KIAA1217: variants seen among roughly 807,000 people sequenced by gnomAD.
KIAA1217 encodes the protein KIAA1217.
A neutral mutation model predicts 163.9 loss-of-function variants in KIAA1217; 88 were observed. The ratio of observed to expected loss-of-function variants is 0.54; its 90% confidence interval spans 0.45 to 0.64. The LOEUF (loss-of-function observed/expected upper bound fraction) is 0.64, where lower values mean the gene tolerates loss of function less well. Ranked by LOEUF, KIAA1217 falls within the 30% of genes least tolerant of loss-of-function variation. The pLI is 0.00. For missense variants in KIAA1217, 2,372 were observed against 2,475.0 expected (o/e 0.96, Z 0.88); for synonymous variants, 903 against 923.1 (o/e 0.98, Z 0.39).
chr10:24,363,591 G>A (rs1467711325), intron 2 of KIAA1217, among the ~76,000 whole-genome samples: 2 of 148,550 alleles, frequency 1.3e-5, no homozygotes, highest in Admixed American at 6.7e-5. Flanking sequence ...TTGAAACAGG[G>A]TCTTACTCTG....
At chr10:24,512,460 G>A (rs750618220) in intron 9 of KIAA1217, among the ~76,000 whole-genome samples, 1 of 152,134 alleles carries the variant, frequency 6.6e-6, no homozygotes, top group Non-Finnish European at 1.5e-5. Flanking sequence ...AGACTCCTGC[G>A]AAGCCTGAAT....
chr10:23,737,483 C>T (rs1040425980), intron 1 of KIAA1217, among the ~76,000 whole-genome samples: 3 of 151,986 alleles, frequency 2.0e-5, no homozygotes, highest in East Asian at 3.9e-4. Flanking sequence ...GTGAGTCACC[C>T]GCACCCGGCC....
chr10:23,753,235 A>G (rs1401795906), intron 1 of KIAA1217, among the ~76,000 whole-genome samples: 1 of 152,258 alleles, frequency 6.6e-6, no homozygotes, highest in Non-Finnish European at 1.5e-5. Flanking sequence ...GGTTATAAGC[A>G]GAATATTCAC....
At chr10:24,479,799 C>A (rs1344037149) in intron 6 of KIAA1217, among the ~76,000 whole-genome samples, 1 of 152,144 alleles carries the variant, frequency 6.6e-6, no homozygotes, top group African/African-American at 2.4e-5. Context: ...AGGGAGAAAT[C>A]TGAGGGGGGT....
intron 8 of KIAA1217, among the ~76,000 whole-genome samples, chr10:24,496,665 TTCTCA>T (rs1389416401): frequency 6.6e-6 from 1 of 152,216 alleles, no homozygotes; most frequent in Admixed American, 6.5e-5. Flanking sequence ...ACAGTTTTTA[TTCTCA>T]TGTTCCAGAG....
At position 23,853,545 on chromosome 10, in the gene KIAA1217, T is replaced by G. The variant is rs538817904; in HGVS notation, c.-320-153680T>G. 9.9e-5 allele frequency among the ~76,000 whole-genome samples: 15 copies of G among 152,184 alleles called. No individual in the cohort carries two copies. In the East Asian group the frequency reaches 1.2e-3, roughly 12 times the overall value. ...TGGCCTCATAAAATGAGTTAGGGAGTATTCCCTCTTTTTCTATTGATTGCA... is the reference window on the plus strand; with the variant it reads ...TGGCCTCATAAAATGAGTTAGGGAGGATTCCCTCTTTTTCTATTGATTGCA... On this transcript the variant is annotated intron_variant, in intron 1 of 18. Transcript: ENST00000376462.
At chr10:24,077,028 C>T (rs1412567365) in intron 2 of KIAA1217, among the ~76,000 whole-genome samples, 1 of 151,962 alleles carries the variant, frequency 6.6e-6, no homozygotes, top group Admixed American at 6.6e-5. Context: ...AGGCATGCAC[C>T]ACCATGCCTG....
At chr10:24,449,598 A>C (rs2132250027) in intron 5 of KIAA1217, 1 of 985,424 alleles carries the variant, frequency 1.0e-6, no homozygotes, top group East Asian at 1.1e-4. Context: ...TGCTCCTTTA[A>C]ACCACATATT....
intron 2 of KIAA1217, among the ~76,000 whole-genome samples, chr10:24,143,766 C>T (rs756395771): frequency 1.3e-4 from 20 of 151,304 alleles, no homozygotes; most frequent in Non-Finnish European, 2.7e-4. Flanking sequence ...CATATCTGGC[C>T]TCCCCCTAGG....
In KIAA1217 at chr10:24,531,875, A is replaced by G; in HGVS notation, c.3128A>G (p.Lys1043Arg). 2 of 1,608,498 alleles carry G rather than the reference A, an allele frequency of 1.2e-6. No homozygotes were observed. The highest frequency in any genetic ancestry group is 2.2e-5 in the South Asian group (2 of 90,106). The change falls in exon 15 of 21, where the codon AAG becomes AGG. Residue 1043 changes from lysine to arginine, a missense_variant. Transcript: ENST00000376454. ...CAGGACTTGGAAAAGCTGGGGGGAA[A>G]GTCGCCCCCTCCTCCTCCGCCACCT... Reference protein sequence around the residue: ...SEQDLEKLGGKSPPPPPPPPR... With the variant: ...SEQDLEKLGGRSPPPPPPPPR...
chr10:24,143,111 T>C (rs905240172), intron 2 of KIAA1217, among the ~76,000 whole-genome samples: 5 of 152,104 alleles, frequency 3.3e-5, no homozygotes, highest in African/African-American at 1.2e-4. Context: ...AAGTTAAAAG[T>C]GAAATAGACA....
intron 1 of KIAA1217, among the ~76,000 whole-genome samples, chr10:24,001,420 G>A (rs765445266): frequency 1.3e-5 from 2 of 152,216 alleles, no homozygotes; most frequent in Non-Finnish European, 1.5e-5. Flanking sequence ...TAGTGGATAA[G>A]ATAGAAAGTA....
intron 2 of KIAA1217, among the ~76,000 whole-genome samples, chr10:24,253,383 G>A (rs2074774964): frequency 6.6e-6 from 1 of 152,140 alleles, no homozygotes; most frequent in South Asian, 2.1e-4. Context: ...GTGCTACGTA[G>A]CTCACCACGG....
chr10:24,309,815 C>T (rs1309964304), intron 2 of KIAA1217, among the ~76,000 whole-genome samples: 1 of 152,118 alleles, frequency 6.6e-6, no homozygotes, highest in African/African-American at 2.4e-5. Context: ...GTGGCTCTTC[C>T]CTGGTTAATT....
At chr10:24,112,939 A>G (rs1027735923) in intron 2 of KIAA1217, among the ~76,000 whole-genome samples, 1 of 152,054 alleles carries the variant, frequency 6.6e-6, no homozygotes. Context: ...GGAGAATGCC[A>G]TGTGAAAATA....
At chr10:23,699,049 C>T (rs1836234909) in intron 1 of KIAA1217, among the ~76,000 whole-genome samples, 1 of 152,094 alleles carries the variant, frequency 6.6e-6, no homozygotes, top group South Asian at 2.1e-4. Flanking sequence ...TTGAATTTGT[C>T]TTTTCTCTCA....
intron 1 of KIAA1217, among the ~76,000 whole-genome samples, chr10:23,894,660 CA>C (rs1392015684): frequency 1.3e-5 from 2 of 148,794 alleles, no homozygotes; most frequent in East Asian, 3.9e-4. Flanking sequence ...CATATGGAAC[CA>C]AAAAAGAGCC....
chr10:23,891,065 C>T (rs149435036), intron 1 of KIAA1217, among the ~76,000 whole-genome samples: 153 of 151,972 alleles, frequency 1.0e-3, no homozygotes, highest in African/African-American at 3.5e-3. Context: ...CTTTCTTATC[C>T]GGACTGTTCA....
At chr10:24,365,399 T>A (rs2050639333) in intron 2 of KIAA1217, among the ~76,000 whole-genome samples, 1 of 140,556 alleles carries the variant, frequency 7.1e-6, no homozygotes, top group Admixed American at 6.9e-5. Flanking sequence ...TGCTTTTTTT[T>A]TGTCCCCCTT....
Sources: allele counts gnomAD v4.1 joint callset (sites outside exome capture counted in the v4.1 genomes callset), GRCh38; gene constraint gnomAD v4.1.1; transcripts MANE v1.5; gene names NCBI Gene and HGNC (gene_info 2026-07-23, HGNC 2026-07-21).